The following NRG3 variants were observed in gnomAD, a reference collection of about 807,000 sequenced individuals.
NRG3 encodes the protein neuregulin 3.
A neutral mutation model predicts 66.9 loss-of-function variants in NRG3; 31 were observed. That is an observed-to-expected ratio of 0.46 (90% CI 0.35 to 0.63). NRG3 has a LOEUF of 0.63. Among genes scored for constraint, NRG3 ranks in the 20% least tolerant of loss-of-function variants. The probability of loss-of-function intolerance (pLI) is 0.00; values close to 1 mark genes in which losing one functional copy is unlikely to be tolerated. For synonymous variants in NRG3, 393 were observed against 359.4 expected (o/e 1.09, Z -1.06); for missense variants, 910 against 878.9 (o/e 1.04, Z -0.45).
chr10:81,998,961 C>T lies in NRG3; in HGVS notation c.823+122798C>T, dbSNP rs950836206. Among the ~76,000 whole-genome samples the T allele has an allele frequency of 4.4e-4, 67 of 152,182 alleles. 1 individual carries two copies. Among genetic ancestry groups the T allele is most frequent in the African/African-American group, 1.5e-3 (62 of 41,532 alleles). ...CCTCTCAAGTAGCTGGGATTACAGG[C>T]GCCCACTGATTTTTGTATTTTAATA... On this transcript the variant is annotated intron_variant, in intron 1 of 8. Coordinates refer to ENST00000372141, the MANE Select transcript of NRG3 (RefSeq NM_001010848.4).
chr10:81,943,434 T>TC (rs1388379284), intron 1 of NRG3, among the ~76,000 whole-genome samples: 1 of 152,110 alleles, frequency 6.6e-6, no homozygotes, highest in African/African-American at 2.4e-5. Flanking sequence ...AATTCAGGCT[T>TC]CCCCCTTACT....
chr10:82,765,195 A>G (rs2059469902), intron 3 of NRG3, among the ~76,000 whole-genome samples: 1 of 152,156 alleles, frequency 6.6e-6, no homozygotes, highest in African/African-American at 2.4e-5. Flanking sequence ...TTAACTAAGT[A>G]AGAAAATAAT....
At chr10:82,487,212 C>T (rs900800847) in intron 2 of NRG3, among the ~76,000 whole-genome samples, 3 of 151,338 alleles carry the variant, frequency 2.0e-5, no homozygotes, top group Admixed American at 6.6e-5. Context: ...GTAACATAAA[C>T]CTATATATAA....
At chr10:82,099,995 A>ATG (rs1330841998) in intron 1 of NRG3, among the ~76,000 whole-genome samples, 1 of 149,886 alleles carries the variant, frequency 6.7e-6, no homozygotes, top group East Asian at 2.0e-4. Context: ...ATATATATAT[A>ATG]TATATAATTT....
intron 2 of NRG3, among the ~76,000 whole-genome samples, chr10:82,614,886 A>G (rs2048541012): frequency 6.6e-6 from 1 of 152,060 alleles, no homozygotes; most frequent in African/African-American, 2.4e-5. Context: ...GCATACCTAT[A>G]ATATATATTT....
intron 2 of NRG3, among the ~76,000 whole-genome samples, chr10:82,545,284 AC>A (rs775393620): frequency 6.6e-6 from 1 of 151,818 alleles, no homozygotes; most frequent in Non-Finnish European, 1.5e-5. Flanking sequence ...CAATATATAC[AC>A]AGTCATATTT....
rs182806526 is a variant in NRG3, at chr10:82,253,915, T to C, written c.824-104824T>C. Among the ~76,000 whole-genome samples the C allele has an allele frequency of 2.6e-5, 4 of 152,338 alleles. No individual in the cohort carries two copies. The East Asian group carries it at 7.7e-4, about 29-fold the overall frequency. ...TTGAACATGCCAAGCTTCTTTCCAA[T>C]TCAATGTATTTTGCATTTGTTACTT... On this transcript the variant is annotated intron_variant, in intron 1 of 8. Transcript: ENST00000372141.
At chr10:82,185,987 T>C (rs532553979) in intron 1 of NRG3, among the ~76,000 whole-genome samples, 1 of 152,318 alleles carries the variant, frequency 6.6e-6, no homozygotes. Context: ...ATATATCAAC[T>C]ATTGTGCATA....
chr10:82,002,198 G>T (rs897277033), intron 1 of NRG3, among the ~76,000 whole-genome samples: 1 of 152,070 alleles, frequency 6.6e-6, no homozygotes, highest in Non-Finnish European at 1.5e-5. Flanking sequence ...TGCCAAATAC[G>T]TTTTTGTCTT....
At chr10:82,037,167 T>A (rs2062825587) in intron 1 of NRG3, among the ~76,000 whole-genome samples, 1 of 152,140 alleles carries the variant, frequency 6.6e-6, no homozygotes, top group South Asian at 2.1e-4. Flanking sequence ...CTTCTTCATC[T>A]GGTTGAGAAG....
chr10:82,926,340 G>GGGATCCT (rs2132114720), intron 4 of NRG3, among the ~76,000 whole-genome samples: 1 of 152,222 alleles, frequency 6.6e-6, no homozygotes, highest in African/African-American at 2.4e-5. Flanking sequence ...GTATCTACAG[G>GGGATCCT]GGATCCTGGA....
chr10:82,661,319 T>G (rs2052341927), intron 2 of NRG3, among the ~76,000 whole-genome samples: 1 of 152,142 alleles, frequency 6.6e-6, no homozygotes, highest in East Asian at 1.9e-4. Flanking sequence ...ACACCCTTAC[T>G]CACACATATA....
chr10:82,620,099 G>C (rs1311686508), intron 2 of NRG3, among the ~76,000 whole-genome samples: 8 of 152,190 alleles, frequency 5.3e-5, no homozygotes, highest in African/African-American at 1.4e-4. Flanking sequence ...CTGAGGCGAT[G>C]GTGCCTAGGT....
At chr10:82,178,341 T>C (rs1205076148) in intron 1 of NRG3, among the ~76,000 whole-genome samples, 2 of 152,194 alleles carry the variant, frequency 1.3e-5, no homozygotes, top group African/African-American at 4.8e-5. Context: ...TTTCATTTTA[T>C]GTGACTAATA....
chr10:82,706,295 T>C (rs1270122547), intron 2 of NRG3, among the ~76,000 whole-genome samples: 1 of 152,138 alleles, frequency 6.6e-6, no homozygotes, highest in Non-Finnish European at 1.5e-5. Context: ...ACGTGTGAAA[T>C]TTGAAAAAGC....
intron 3 of NRG3, among the ~76,000 whole-genome samples, chr10:82,781,152 A>G (rs1164664459): frequency 1.3e-5 from 2 of 152,108 alleles, no homozygotes; most frequent in Non-Finnish European, 1.5e-5. Context: ...TAACCAGTCT[A>G]CCTTCCTCTT....
At chr10:82,887,677 C>G (rs941415037) in intron 4 of NRG3, among the ~76,000 whole-genome samples, 1 of 152,210 alleles carries the variant, frequency 6.6e-6, no homozygotes, top group Non-Finnish European at 1.5e-5. Flanking sequence ...ATTTTCCCAG[C>G]AATTGCAATG....
At chr10:82,315,159 A>G (rs1181915030) in intron 1 of NRG3, among the ~76,000 whole-genome samples, 1 of 152,182 alleles carries the variant, frequency 6.6e-6, no homozygotes, top group Non-Finnish European at 1.5e-5. Context: ...GTTTTAATAT[A>G]TTAGAGCTCA....
chr10:82,239,807 T>C, intron 1 of NRG3, among the ~76,000 whole-genome samples: 1 of 152,192 alleles, frequency 6.6e-6, no homozygotes, highest in East Asian at 1.9e-4. Context: ...GTTAGCTTAG[T>C]TCCAGTTTTA....
Sources: gnomAD v4.1 joint callset for allele counts (sites outside exome capture counted in the v4.1 genomes callset) on GRCh38, gnomAD v4.1.1 for gene constraint, MANE v1.5 for transcripts, NCBI Gene and HGNC (gene_info 2026-07-23, HGNC 2026-07-21) for gene names.